Variants in DNM3 observed in about 807,000 individuals in gnomAD.
The protein encoded by DNM3 is dynamin-3.
Under a neutral mutation model 101.6 loss-of-function variants are expected in DNM3, and 47 were observed. That is an observed-to-expected ratio of 0.46 (90% CI 0.37 to 0.59). The LOEUF is 0.59. DNM3 is among the 20% of genes least tolerant of loss of function. The pLI is 0.00. For synonymous variants in DNM3, 385 were observed against 387.9 expected (o/e 0.99, Z 0.09); for missense variants, 849 against 1,085.7 (o/e 0.78, Z 3.06).
At chr1:172,383,276 C>A in intron 18 of DNM3, among the ~76,000 whole-genome samples, 1 of 152,110 alleles carries the variant, frequency 6.6e-6, no homozygotes, top group East Asian at 1.9e-4. Flanking sequence ...ATATACTATA[C>A]GCCTTTTGTG....
chr1:172,046,416 T>C (rs1291239838), intron 9 of DNM3, among the ~76,000 whole-genome samples: 1 of 150,652 alleles, frequency 6.6e-6, no homozygotes, highest in African/African-American at 2.4e-5. Context: ...TGGGTGGGAG[T>C]AGGGGGGAGG....
chr1:172,299,894 A>G (rs1389156766), intron 15 of DNM3, among the ~76,000 whole-genome samples: 1 of 152,218 alleles, frequency 6.6e-6, no homozygotes, highest in East Asian at 1.9e-4. Context: ...CTTTGGGTAT[A>G]CATACCCAGT....
chr1:172,126,773 C>T (rs1403528072), intron 13 of DNM3, among the ~76,000 whole-genome samples: 2 of 151,740 alleles, frequency 1.3e-5, no homozygotes, highest in Admixed American at 1.3e-4. Context: ...CATTTTCTAC[C>T]TCTCCAGTGG....
At chr1:172,113,056 T>C (rs940195765) in intron 13 of DNM3, among the ~76,000 whole-genome samples, 1 of 152,224 alleles carries the variant, frequency 6.6e-6, no homozygotes, top group African/African-American at 2.4e-5. Flanking sequence ...TAATGCCTTA[T>C]TTATTTACTG....
intron 10 of DNM3, among the ~76,000 whole-genome samples, chr1:172,058,797 A>G (rs1310456068): frequency 6.6e-6 from 1 of 151,854 alleles, no homozygotes; most frequent in Non-Finnish European, 1.5e-5. Flanking sequence ...TAGAAAAGCA[A>G]GAGCAAACAC....
intron 13 of DNM3, among the ~76,000 whole-genome samples, chr1:172,094,767 A>G (rs186313126): frequency 6.6e-6 from 1 of 152,318 alleles, no homozygotes; most frequent in Non-Finnish European, 1.5e-5. Flanking sequence ...TAAAATGAGA[A>G]CAACAAAACA....
At chr1:172,302,201 G>A (rs983214931) in intron 15 of DNM3, among the ~76,000 whole-genome samples, 1 of 152,218 alleles carries the variant, frequency 6.6e-6, no homozygotes, top group Non-Finnish European at 1.5e-5. Flanking sequence ...TTAGCAAATG[G>A]CACACCAGGA....
intron 16 of DNM3, 179 bp downstream of exon 16, chr1:172,309,018 A>G: frequency 2.4e-6 from 1 of 424,918 alleles, no homozygotes; most frequent in Non-Finnish European, 4.1e-6. Flanking sequence ...TTTCTCTGTT[A>G]GATTTCTATT....
chr1:171,951,356 G>A (rs971021493), intron 2 of DNM3, among the ~76,000 whole-genome samples: 1 of 152,160 alleles, frequency 6.6e-6, no homozygotes, highest in African/African-American at 2.4e-5. Flanking sequence ...GTTATCAAGT[G>A]ACAAAATTAT....
chr1:171,959,587 G>A lies in DNM3; in HGVS notation c.236-28069G>A, dbSNP rs116086559. Among the ~76,000 whole-genome samples the A allele has an allele frequency of 6.4e-3, 977 of 152,112 alleles. 16 individuals are homozygous for A. The highest frequency in any genetic ancestry group is 0.021 in the African/African-American group (888 of 41,512). ...TTCAAACCAAAAAATGGATAAAATTGCCCCGGAAGAATTAAAAACAACAAC... is the reference window on the plus strand; with the variant it reads ...TTCAAACCAAAAAATGGATAAAATTACCCCGGAAGAATTAAAAACAACAAC... On this transcript the variant is annotated intron_variant, in intron 2 of 20. Transcript: ENST00000627582.
intron 17 of DNM3, among the ~76,000 whole-genome samples, chr1:172,327,525 A>G (rs1442494853): frequency 6.6e-6 from 1 of 152,170 alleles, no homozygotes; most frequent in African/African-American, 2.4e-5. Context: ...GCGTGTTATA[A>G]TCATGGTGAA....
chr1:172,310,373 A>G (rs1414997504), intron 16 of DNM3: 2 of 152,224 alleles, frequency 1.3e-5, no homozygotes, highest in Admixed American at 6.5e-5. Context: ...AGAGGTGAAC[A>G]ATAGCAATAA....
chr1:172,021,812 A>G (rs1263421129), intron 4 of DNM3, among the ~76,000 whole-genome samples: 2 of 152,204 alleles, frequency 1.3e-5, no homozygotes, highest in East Asian at 1.9e-4. Context: ...TTAAAACACA[A>G]TGTCACAATG....
intron 10 of DNM3, among the ~76,000 whole-genome samples, chr1:172,061,290 C>A (rs1212185523): frequency 6.9e-6 from 1 of 145,596 alleles, no homozygotes; most frequent in African/African-American, 2.6e-5. Context: ...GTCAGTGTGG[C>A]GATTCCTCAG....
At chr1:172,172,759 C>T (rs974578117) in intron 14 of DNM3, among the ~76,000 whole-genome samples, 2 of 151,650 alleles carry the variant, frequency 1.3e-5, no homozygotes, top group African/African-American at 2.4e-5. Flanking sequence ...AGAAAAACTG[C>T]GGAATTTAGT....
At chr1:172,362,176 A>G (rs1012675046) in intron 17 of DNM3, among the ~76,000 whole-genome samples, 1 of 152,010 alleles carries the variant, frequency 6.6e-6, no homozygotes, top group Non-Finnish European at 1.5e-5. Flanking sequence ...ATTAAATATG[A>G]TTGAGTACCA....
rs1383534710 is a variant in DNM3 at position 172,017,689 on chromosome 1, G to A, written c.590-14713G>A. Among the ~76,000 whole-genome samples, 4 of 152,248 alleles carry A rather than the reference G, an allele frequency of 2.6e-5. No individual in the cohort carries two copies. The South Asian group carries it at 8.3e-4, about 32-fold the overall frequency. On this transcript the variant is annotated intron_variant, in intron 4 of 20. Transcript: ENST00000627582. ...GTTTATTCTCCTGTTGGATGTAGTA[G>A]CCTATAAATGTCCATTATATCCAGT... is the stretch of plus-strand genomic sequence containing the variant.
At chr1:172,238,603 C>T (rs1407766497) in intron 14 of DNM3, among the ~76,000 whole-genome samples, 1 of 152,036 alleles carries the variant, frequency 6.6e-6, no homozygotes. Flanking sequence ...GTATTAAGTA[C>T]CTGCTAGTAT....
chr1:172,343,205 G>C (rs1351705010), intron 17 of DNM3, among the ~76,000 whole-genome samples: 1 of 152,198 alleles, frequency 6.6e-6, no homozygotes, highest in Non-Finnish European at 1.5e-5. Flanking sequence ...TTGGGGAATA[G>C]AGAAGCTTTA....
Sources: gnomAD v4.1 joint callset for allele counts (sites outside exome capture counted in the v4.1 genomes callset) on GRCh38, gnomAD v4.1.1 for gene constraint, MANE v1.5 for transcripts, NCBI Gene and HGNC (gene_info 2026-07-23, HGNC 2026-07-21) for gene names.